STAM: variants seen among roughly 807,000 people sequenced by gnomAD.
STAM encodes signal transducing adapter molecule 1.
In STAM, 16 loss-of-function variants were observed where a neutral mutation model predicts 63.4. The observed-to-expected ratio is 0.25, with a 90% CI of 0.17 to 0.38. The LOEUF (loss-of-function observed/expected upper bound fraction) is 0.38, where lower values mean the gene tolerates loss of function less well. STAM is among the 10% of genes least tolerant of loss of function. The pLI, the probability that STAM is intolerant of heterozygous loss-of-function variation, is 1.00. For synonymous variants in STAM, 238 were observed against 223.9 expected, an observed-to-expected ratio of 1.06 and a Z score of -0.56; for missense variants, 636 against 657.1, an observed-to-expected ratio of 0.97 and a Z score of 0.35.
chr10:17,684,610 C>A, intron 2 of STAM, 65 bp from the exon 3 acceptor site: 2 of 1,310,578 alleles, frequency 1.5e-6, no homozygotes, highest in Non-Finnish European at 2.2e-6. Context: ...TTGTCTATAA[C>A]AGTTAAGGGG....
At chr10:17,691,543 C>T (rs1835537253) in intron 5 of STAM, among the ~76,000 whole-genome samples, 2 of 151,910 alleles carry the variant, frequency 1.3e-5, no homozygotes, top group Admixed American at 6.6e-5. Context: ...AATGCCTGTG[C>T]ATTTGTTTGA....
Position 17,716,116 on chromosome 10 carries a change from C to T in STAM, c.*1336C>T, listed in dbSNP as rs1836804037. ...TGTAATCTTAAATATTTACGATTTC[C>T]CTGGTTGGGCTATACTATTATTTTA... On this transcript the variant is annotated 3_prime_UTR_variant, in exon 14 of 14. Transcript: ENST00000377524. Among the ~76,000 whole-genome samples the T allele has an allele frequency of 6.6e-6, 1 of 151,928 alleles. No individual in the cohort carries two copies. Among genetic ancestry groups the T allele is most frequent in the South Asian group, 2.1e-4 (1 of 4,816 alleles).
In STAM at chr10:17,670,796, TTAA is replaced by T. The variant is rs373182985; in HGVS notation, c.125+10252_125+10254del. Among the ~76,000 whole-genome samples, 421 of 129,414 alleles carry T rather than the reference TTAA, an allele frequency of 3.3e-3. 14 individuals carry two copies. Among genetic ancestry groups the T allele is most frequent in the African/African-American group, 0.01 (365 of 34,872 alleles). 84.9% of individuals were successfully genotyped at this position (129,414 alleles called of 152,430 possible). On this transcript the variant is annotated intron_variant, in intron 2 of 13. Transcript: ENST00000377524. Reference sequence around the variant, plus strand: ...CCATTATCTCATAAGAAATGCCTACTTAATAAGCTTAACATTAAGGGAATAATT... The same window carrying T: ...CCATTATCTCATAAGAAATGCCTACTTAAGCTTAACATTAAGGGAATAATT...
At chr10:17,692,046 CA>C (rs1409346222) in intron 5 of STAM, among the ~76,000 whole-genome samples, 4 of 152,152 alleles carry the variant, frequency 2.6e-5, no homozygotes, top group African/African-American at 4.8e-5. Flanking sequence ...TTTGGAATCA[CA>C]TGTGTTAATT....
intron 1 of STAM, among the ~76,000 whole-genome samples, chr10:17,651,915 T>G (rs1554821605): frequency 6.6e-6 from 1 of 152,216 alleles, no homozygotes; most frequent in African/African-American, 2.4e-5. Flanking sequence ...TTGACAGTGA[T>G]AAATTTTGAG....
At chr10:17,652,917 A>G (rs1833794714) in intron 1 of STAM, among the ~76,000 whole-genome samples, 1 of 152,166 alleles carries the variant, frequency 6.6e-6, no homozygotes, top group African/African-American at 2.4e-5. Context: ...AAATTCTCTT[A>G]TAGTGTTGAA....
chr10:17,693,461 G>A, intron 6 of STAM, 149 bp downstream of exon 6: 5 of 576,414 alleles, frequency 8.7e-6, no homozygotes, highest in Non-Finnish European at 1.5e-5. Context: ...ACTCTTGAGA[G>A]GCAATTACTG....
chr10:17,645,705 T>C (rs1051377857), intron 1 of STAM, among the ~76,000 whole-genome samples: 4 of 152,140 alleles, frequency 2.6e-5, no homozygotes, highest in African/African-American at 9.7e-5. Context: ...ACTTAATGAA[T>C]TGGAAAATTG....
chr10:17,713,296 C>G (rs574264229), intron 13 of STAM, among the ~76,000 whole-genome samples: 28 of 152,266 alleles, frequency 1.8e-4, no homozygotes, highest in African/African-American at 6.0e-4. Context: ...TCATGAAGCC[C>G]GGTGATTCTG....
intron 10 of STAM, among the ~76,000 whole-genome samples, 164 bp from the exon 11 acceptor site, chr10:17,704,806 T>G (rs1836180868): frequency 6.6e-6 from 1 of 152,240 alleles, no homozygotes; most frequent in Non-Finnish European, 1.5e-5. Flanking sequence ...ACCATTATAC[T>G]TTAAGAAAAT....
At position 17,714,996 on chromosome 10, in the gene STAM, A is replaced by C. The variant is rs1836751830; in HGVS notation, c.*216A>C. On this transcript the variant is annotated 3_prime_UTR_variant, in exon 14 of 14. Coordinates refer to ENST00000377524, the MANE Select transcript of STAM (RefSeq NM_003473.4). ...CCTGCAGAGGAATGAAACTACTTAC[A>C]ACATTTAATTCCTTTCATAATATGA... The C allele has an allele frequency of 5.4e-6, 3 of 552,372 alleles. No homozygotes were observed. The South Asian group carries it at 6.3e-5, about 12-fold the overall frequency. 34.2% of individuals were successfully genotyped at this position (552,372 alleles called of 1,614,324 possible).
chr10:17,712,939 G>A (rs1836622852), intron 13 of STAM, among the ~76,000 whole-genome samples: 1 of 152,086 alleles, frequency 6.6e-6, no homozygotes, highest in Admixed American at 6.5e-5. Flanking sequence ...GTGTTGGAGC[G>A]TGTGCTTCCG....
In STAM at chr10:17,681,812, G is replaced by A. The variant is rs1835097815; in HGVS notation, c.126-2863G>A. On this transcript the variant is annotated intron_variant, in intron 2 of 13. Coordinates refer to ENST00000377524, the MANE Select transcript of STAM (RefSeq NM_003473.4). ...GGCAAGGAACTGAACTTCAGTAAATGGAGGACTTGGTTTGCTGTGAATGTT... is the reference window on the plus strand; with the variant it reads ...GGCAAGGAACTGAACTTCAGTAAATAGAGGACTTGGTTTGCTGTGAATGTT... Among the ~76,000 whole-genome samples, 3 of 152,200 alleles carry A rather than the reference G, an allele frequency of 2.0e-5. No individual in the cohort carries two copies. The South Asian group carries it at 6.2e-4, about 31-fold the overall frequency.
At chr10:17,659,332 G>A (rs546613973) in intron 1 of STAM, among the ~76,000 whole-genome samples, 11 of 151,798 alleles carry the variant, frequency 7.2e-5, no homozygotes, top group Admixed American at 2.6e-4. Flanking sequence ...ATATAAAATC[G>A]TAGGTAATGA....
chr10:17,700,610 A>G (rs1341459630), intron 9 of STAM, among the ~76,000 whole-genome samples: 2 of 146,988 alleles, frequency 1.4e-5, no homozygotes, highest in Non-Finnish European at 3.0e-5. Context: ...TTGAACATCT[A>G]TCTTTGTGTT....
chr10:17,649,780 C>CT (rs1166726453), intron 1 of STAM, among the ~76,000 whole-genome samples: 3 of 152,080 alleles, frequency 2.0e-5, no homozygotes, highest in East Asian at 1.9e-4. Context: ...GTTTTTAAAT[C>CT]TTTTTTTACA....
chr10:17,687,989 G>T, intron 4 of STAM, 38 bp from the exon 5 acceptor site: 1 of 1,509,966 alleles, frequency 6.6e-7, no homozygotes, highest in Non-Finnish European at 8.9e-7. Flanking sequence ...CATTGGCTAG[G>T]AAATTGGTGC....
Position 17,708,928 on chromosome 10 carries a change from G to T in STAM, c.1362G>T (p.Gln454His), listed in dbSNP as rs782107900. The T allele has an allele frequency of 3.1e-6, 5 of 1,613,878 alleles. No individual in the cohort carries two copies. The highest frequency in any genetic ancestry group is 4.2e-6 in the Non-Finnish European group (5 of 1,179,846). ...PPSANPALPSQQTQAAYPNTM... is the reference protein window; with the variant it reads ...PPSANPALPSHQTQAAYPNTM... ...CCGCAAACCCAGCCCTTCCTAGTCAGCAGACTCAGGCCGCTTACCCAAAGT... is the reference window on the plus strand; with the variant it reads ...CCGCAAACCCAGCCCTTCCTAGTCATCAGACTCAGGCCGCTTACCCAAAGT... Residue 454 changes from glutamine to histidine, a missense_variant, in exon 13 of 14, where the codon CAG becomes CAT. Around this residue, in one of 3 missense-constraint regions of STAM, gnomAD observed 532 missense variants for 536.9 expected, o/e 0.99. Coordinates refer to ENST00000377524, the MANE Select transcript of STAM (RefSeq NM_003473.4).
intron 1 of STAM, among the ~76,000 whole-genome samples, chr10:17,647,192 AT>A (rs1163889066): frequency 6.6e-6 from 1 of 152,172 alleles, no homozygotes; most frequent in African/African-American, 2.4e-5. Flanking sequence ...AATGAATCTC[AT>A]TTTGGACATT....
Sources: allele counts gnomAD v4.1 joint callset (sites outside exome capture counted in the v4.1 genomes callset), GRCh38; gene constraint gnomAD v4.1.1; regional missense constraint gnomAD v4.1.1; transcripts MANE v1.5; gene names NCBI Gene and HGNC (gene_info 2026-07-23, HGNC 2026-07-21).